CCDC57: variants seen among roughly 807,000 people sequenced by gnomAD.
CCDC57 encodes the protein coiled-coil domain-containing protein 57.
In CCDC57, 118 loss-of-function variants were observed where a neutral mutation model predicts 118.9. That is an observed-to-expected ratio of 0.99 (90% CI 0.86 to 1.16). The LOEUF is 1.16. Among genes scored for constraint, CCDC57 ranks in the 50% most tolerant of loss-of-function variants. CCDC57 has a pLI of 0.00. For synonymous variants in CCDC57, 527 were observed against 532.9 expected, an observed-to-expected ratio of 0.99 and a Z score of 0.15; for missense variants, 1,300 against 1,320.7, an observed-to-expected ratio of 0.98 and a Z score of 0.24.
exon 6 of CCDC57, chr17:82,194,019 C>G (rs376571892): frequency 1.9e-6 from 3 of 1,612,842 alleles, no homozygotes; most frequent in Non-Finnish European, 2.5e-6. Flanking sequence ...TGGAGCTCCC[C>G]GGCTCGGCTC....
intron 8 of CCDC57, 115 bp from the exon 8 acceptor site, chr17:82,184,047 A>ACG (rs2046628818): frequency 1.8e-6 from 1 of 548,910 alleles, no homozygotes; most frequent in Non-Finnish European, 3.2e-6. Context: ...ACACACACAC[A>ACG]CACACACACA....
At chr17:82,200,878 G>A (rs868842017) in intron 3 of CCDC57, among the ~76,000 whole-genome samples, 14 of 152,216 alleles carry the variant, frequency 9.2e-5, no homozygotes, top group African/African-American at 3.4e-4. Context: ...CCTGTTAAGT[G>A]TAAACAGAGC....
chr17:82,119,691 T>C (rs1020444401), intron 19 of CCDC57, among the ~76,000 whole-genome samples: 2 of 150,022 alleles, frequency 1.3e-5, no homozygotes, highest in African/African-American at 4.9e-5. Context: ...TGCACAGGGG[T>C]TGGGGGGCAC....
intron 14 of CCDC57, among the ~76,000 whole-genome samples, chr17:82,159,562 G>A (rs1343737285): frequency 1.3e-5 from 2 of 152,178 alleles, no homozygotes; most frequent in African/African-American, 4.8e-5. Context: ...AAAATGAGAG[G>A]TATGAGGGTA....
At chr17:82,133,460 A>C (rs950535248) in intron 17 of CCDC57, among the ~76,000 whole-genome samples, 3 of 150,386 alleles carry the variant, frequency 2.0e-5, no homozygotes, top group African/African-American at 7.3e-5. Context: ...AAAAAATAGA[A>C]GTTTTTGGTT....
chr17:82,174,983 C>T (rs563683854), intron 11 of CCDC57, among the ~76,000 whole-genome samples: 2 of 152,232 alleles, frequency 1.3e-5, no homozygotes, highest in Non-Finnish European at 2.9e-5. Flanking sequence ...TCTTCTCTAA[C>T]TCGCCTGGGT....
At chr17:82,142,887 CG>C (rs1190103087) in intron 16 of CCDC57, among the ~76,000 whole-genome samples, 1 of 152,034 alleles carries the variant, frequency 6.6e-6, no homozygotes, top group Non-Finnish European at 1.5e-5. Context: ...CCACACTGGC[CG>C]GGTACGTGGC....
chr17:82,102,229 T>C (rs934376642), intron 19 of CCDC57, among the ~76,000 whole-genome samples: 1 of 151,930 alleles, frequency 6.6e-6, no homozygotes, highest in Non-Finnish European at 1.5e-5. Flanking sequence ...GGTGCTGGGG[T>C]AAATGGTTGA....
intron 19 of CCDC57, among the ~76,000 whole-genome samples, chr17:82,124,070 T>C (rs201127818): frequency 1.3e-5 from 2 of 148,192 alleles, no homozygotes; most frequent in Non-Finnish European, 3.0e-5. Context: ...TTGGTGGTGG[T>C]GGCGGGGGCT....
intron 16 of CCDC57, among the ~76,000 whole-genome samples, chr17:82,149,036 G>C (rs1374839822): frequency 1.1e-5 from 1 of 90,770 alleles, no homozygotes; most frequent in Non-Finnish European, 2.2e-5. Flanking sequence ...TGGATGGATG[G>C]GTGGGTGGAC....
At chr17:82,159,491 C>T (rs1019925819) in intron 14 of CCDC57, among the ~76,000 whole-genome samples, 1 of 152,098 alleles carries the variant, frequency 6.6e-6, no homozygotes, top group Non-Finnish European at 1.5e-5. Flanking sequence ...TGGCCAAGTT[C>T]CTCTCCATTG....
At chr17:82,150,118 C>T (rs1247749226) in intron 16 of CCDC57, among the ~76,000 whole-genome samples, 12 of 144,640 alleles carry the variant, frequency 8.3e-5, no homozygotes, top group South Asian at 2.3e-4. Context: ...CAGAACCAGG[C>T]GCACACCCAG....
At chr17:82,138,634 AGTCGGAAGAGACGCATGGCCTGCCCCGG>A (rs1374952872) in intron 16 of CCDC57, among the ~76,000 whole-genome samples, 2,091 of 108,296 alleles carry the variant, frequency 0.019, 50 homozygotes, top group African/African-American at 0.058. Flanking sequence ...AAGACTGCCG[AGTCGGAAGAGACGCATGGCCTGCCCCGG>A]GTCGGAAGAG....
At chr17:82,110,984 A>G (rs1220522402) in intron 19 of CCDC57, among the ~76,000 whole-genome samples, 1 of 151,946 alleles carries the variant, frequency 6.6e-6, no homozygotes, top group Non-Finnish European at 1.5e-5. Flanking sequence ...AAAGAAAAAA[A>G]AAAAGAAAAG....
intron 7 of CCDC57, among the ~76,000 whole-genome samples, chr17:82,189,160 C>T (rs528852839): frequency 4.9e-4 from 74 of 152,074 alleles, no homozygotes; most frequent in Non-Finnish European, 9.9e-4. Context: ...CCCATTTACT[C>T]GGGAGGCTGA....
chr17:82,134,251 T>A (rs1189081166), intron 16 of CCDC57, 57 bp from the exon 16 acceptor site: 11 of 1,263,958 alleles, frequency 8.7e-6, no homozygotes, highest in Non-Finnish European at 1.1e-5. Flanking sequence ...GGATTCCTCT[T>A]GTGTTGAATG....
intron 13 of CCDC57, among the ~76,000 whole-genome samples, chr17:82,167,389 A>C (rs58032696): frequency 0.46 from 69,598 of 149,982 alleles, 16,931 homozygotes; most frequent in East Asian, 0.88. Context: ...TTGCTCTTGT[A>C]GCCCAGGCTG....
At chr17:82,195,075 G>A (rs1041763066) in intron 5 of CCDC57, among the ~76,000 whole-genome samples, 188 bp downstream of exon 4, 1 of 152,260 alleles carries the variant, frequency 6.6e-6, no homozygotes. Flanking sequence ...ACCTTTGACG[G>A]GAGTGCCCAC....
chr17:82,205,958 A>G (rs2049577069), intron 2 of CCDC57, among the ~76,000 whole-genome samples: 1 of 152,176 alleles, frequency 6.6e-6, no homozygotes, highest in African/African-American at 2.4e-5. Flanking sequence ...ATGATCCCCA[A>G]AGCCCCAAGG....
Sources: allele counts gnomAD v4.1 joint callset (sites outside exome capture counted in the v4.1 genomes callset), GRCh38; gene constraint gnomAD v4.1.1; transcripts MANE v1.5; gene names NCBI Gene and HGNC (gene_info 2026-07-23, HGNC 2026-07-21).